The following CRACDL variants were observed in gnomAD, a reference collection of about 807,000 sequenced individuals.
CRACDL encodes CRACD like, also known as CRACD-like protein.
Under a neutral mutation model 70.6 loss-of-function variants are expected in CRACDL, and 26 were observed. The ratio of observed to expected loss-of-function variants is 0.37; its 90% CI spans 0.27 to 0.51. CRACDL has a LOEUF of 0.51. CRACDL is among the 20% of genes least tolerant of loss of function. CRACDL has a pLI of 0.94. For missense variants in CRACDL, 1,283 were observed against 1,376.9 expected (o/e 0.93, Z 1.08); for synonymous variants, 618 against 615.2 (o/e 1.00, Z -0.07).
rs770753823 is a variant in CRACDL at position 98,822,401 on chromosome 2, G to C, written c.1872C>G (p.His624Gln). 4.0e-6 allele frequency: 6 copies of C among 1,482,184 alleles called. No individual in the cohort carries two copies. In the Middle Eastern group the frequency reaches 5.8e-4, roughly 142 times the overall value. 91.8% of individuals were successfully genotyped at this position (1,482,184 alleles called of 1,614,324 possible). A position where few individuals can be genotyped will look rare whatever the true frequency, so the allele number is the denominator to read the frequency against. ...CCAGCTTCCGAGGGCCAGGTTTCGC[G>C]TGCTGGGGCTCGGGGAGACCCTGGA... ...DDLQGLPEPQ[H>Q]AKPGPRKLAE... Residue 624 changes from histidine (H) to glutamine (Q), a missense_variant, in exon 7 of 10, where the codon CAC (histidine) becomes CAG (glutamine). This residue lies in a region of CRACDL where 921 missense variants were observed against 881.9 expected (regional missense o/e 1.04). Coordinates refer to ENST00000397899, the MANE Select transcript of CRACDL (RefSeq NM_207362.3). The surrounding 1 kb of genome is among the most constrained non-coding windows in gnomAD (Gnocchi z 4.9).
intron 1 of CRACDL, among the ~76,000 whole-genome samples, chr2:98,903,246 T>C (rs1230026580): frequency 6.6e-6 from 1 of 152,136 alleles, no homozygotes; most frequent in Non-Finnish European, 1.5e-5. Context: ...GGAGCTCCCT[T>C]TGGGCCTCAG....
At chr2:98,884,727 C>T (rs908940693) in intron 1 of CRACDL, among the ~76,000 whole-genome samples, 2 of 152,194 alleles carry the variant, frequency 1.3e-5, no homozygotes, top group Non-Finnish European at 2.9e-5. Context: ...TATGTGAGAA[C>T]ACAGAGAGAA....
intron 1 of CRACDL, among the ~76,000 whole-genome samples, chr2:98,883,210 G>A (rs1011065869): frequency 8.5e-5 from 13 of 152,190 alleles, no homozygotes; most frequent in African/African-American, 1.7e-4. Context: ...GAGCAGGGGC[G>A]GGGTGCCCTA....
intron 8 of CRACDL, 95 bp downstream of exon 8, chr2:98,797,255 C>T (rs1044997576): frequency 4.7e-5 from 54 of 1,155,154 alleles, no homozygotes; most frequent in Non-Finnish European, 6.6e-5. Context: ...CTGTGACGCC[C>T]ATGCAGCACA....
chr2:98,888,020 C>A lies in CRACDL; in HGVS notation c.-10-41210G>T, dbSNP rs958523263. Reference sequence around the variant, plus strand: ...TGGTGGTTGTACAACACTGTAAATGCACTGTCACTAGATCATTCAGTTTAA... The same window carrying A: ...TGGTGGTTGTACAACACTGTAAATGAACTGTCACTAGATCATTCAGTTTAA... On this transcript the variant is annotated intron_variant, in intron 1 of 9. Coordinates refer to ENST00000397899, the MANE Select transcript of CRACDL (RefSeq NM_207362.3). Among the ~76,000 whole-genome samples, 5 of 152,138 alleles carry A rather than the reference C, an allele frequency of 3.3e-5. No individual in the cohort carries two copies. The East Asian group carries it at 5.8e-4, about 18-fold the overall frequency.
chr2:98,838,111 C>A lies in CRACDL; in HGVS notation c.239+8G>T, dbSNP rs1705872371. On this transcript the variant is annotated splice_region_variant and intron_variant, in intron 3 of 9. Transcript: ENST00000397899. ...CTCCTGGCCCGAGGGATGTAAAATG[C>A]AACTTACTCCAGCTCATCCTCGGAG... 1 of 1,590,416 alleles carries A rather than the reference C, an allele frequency of 6.3e-7. No individual in the cohort carries two copies. The highest frequency in any genetic ancestry group is 2.3e-5 in the East Asian group (1 of 44,142).
At chr2:98,845,042 C>A (rs1435805751) in intron 2 of CRACDL, among the ~76,000 whole-genome samples, 1 of 152,206 alleles carries the variant, frequency 6.6e-6, no homozygotes, top group Admixed American at 6.5e-5. Flanking sequence ...CTACATTATA[C>A]AGGCCTTGTC....
At chr2:98,859,256 A>C (rs776140971) in intron 1 of CRACDL, among the ~76,000 whole-genome samples, 9 of 152,244 alleles carry the variant, frequency 5.9e-5, no homozygotes, top group Admixed American at 1.3e-4. Context: ...AGCTAAATCC[A>C]GTAAGATATA....
At chr2:98,887,351 T>C (rs1004901597) in intron 1 of CRACDL, among the ~76,000 whole-genome samples, 9 of 151,808 alleles carry the variant, frequency 5.9e-5, no homozygotes, top group African/African-American at 2.2e-4. Context: ...TGGCCAAACA[T>C]GTTGTGTGCA....
intron 1 of CRACDL, among the ~76,000 whole-genome samples, chr2:98,883,305 G>A (rs1195589396): frequency 6.6e-6 from 1 of 152,230 alleles, no homozygotes; most frequent in Non-Finnish European, 1.5e-5. Context: ...AGAGCTGGGA[G>A]GATGGAGGTC....
rs145945189 is a variant in CRACDL, at chr2:98,877,746, C to A, written c.-10-30936G>T. ...CCTGGGAAACACAGTGGGACTCTGT[C>A]TCAAAAATAATAAAAAAATTTAAAA... is the stretch of plus-strand genomic sequence containing the variant. On this transcript the variant is annotated intron_variant, in intron 1 of 9. Transcript: ENST00000397899. Among the ~76,000 whole-genome samples the A allele has an allele frequency of 2.8e-3, 420 of 151,964 alleles. 3 individuals carry two copies. The highest frequency in any genetic ancestry group is 9.8e-3 in the African/African-American group (407 of 41,440).
At chr2:98,863,727 G>T (rs1278690581) in intron 1 of CRACDL, among the ~76,000 whole-genome samples, 2 of 152,154 alleles carry the variant, frequency 1.3e-5, no homozygotes, top group Non-Finnish European at 2.9e-5. Context: ...AGTCAGCTGT[G>T]CATTTTCAAC....
chr2:98,807,315 T>C (rs965055620), intron 7 of CRACDL, among the ~76,000 whole-genome samples: 2 of 152,224 alleles, frequency 1.3e-5, no homozygotes, highest in Non-Finnish European at 2.9e-5. Context: ...AACTTATTCA[T>C]TGAGTGGCAA....
intron 1 of CRACDL, among the ~76,000 whole-genome samples, chr2:98,897,983 G>C (rs569293973): frequency 6.6e-6 from 1 of 152,202 alleles, no homozygotes; most frequent in Non-Finnish European, 1.5e-5. Flanking sequence ...CCAAGCTTTC[G>C]CCACCAGTGG....
At chr2:98,819,624 G>A (rs1205021390) in intron 7 of CRACDL, among the ~76,000 whole-genome samples, 1 of 152,108 alleles carries the variant, frequency 6.6e-6, no homozygotes, top group Non-Finnish European at 1.5e-5. Context: ...TGTCACGTTA[G>A]GAATTTAAAG....
chr2:98,798,997 T>A (rs1197826232), intron 7 of CRACDL, among the ~76,000 whole-genome samples: 1 of 152,162 alleles, frequency 6.6e-6, no homozygotes, highest in African/African-American at 2.4e-5. Context: ...AAGTGGCTTC[T>A]TACAGGTACA....
chr2:98,823,146 G>A lies in CRACDL; in HGVS notation c.1127C>T (p.Pro376Leu), dbSNP rs774518111. The A allele has an allele frequency of 1.9e-6, 3 of 1,557,792 alleles. No individual in the cohort carries two copies. Among genetic ancestry groups the A allele is most frequent in the Non-Finnish European group, 2.6e-6 (3 of 1,155,658 alleles). ...GGCCGGGGCACACGGGCCTGCGGGG[G>A]GCGCCTCCCCATCCTGCTTTCCGCC... is the stretch of plus-strand genomic sequence containing the variant. The part of the protein sequence containing the change: ...PDGGKQDGEA[P>L]PAGPCAPATD... The change falls in exon 7 of 10, where the codon CCC (proline) becomes CTC (leucine). Residue 376 changes from proline to leucine, a missense_variant. Around this residue, in one of 2 missense-constraint regions of CRACDL, gnomAD observed 921 missense variants for 881.9 expected, o/e 1.04. Coordinates refer to ENST00000397899, the MANE Select transcript of CRACDL (RefSeq NM_207362.3). The surrounding 1 kb of genome is among the most constrained non-coding windows in gnomAD (Gnocchi z 4.0).
At chr2:98,796,047 C>A (rs1703803787) in intron 9 of CRACDL, 73 bp downstream of exon 9, 1 of 1,518,286 alleles carries the variant, frequency 6.6e-7, no homozygotes, top group East Asian at 2.3e-5. Context: ...CCAAACCAAA[C>A]CAAAACTCAA....
intron 1 of CRACDL, chr2:98,869,081 G>A (rs1295363567): frequency 1.5e-6 from 2 of 1,303,908 alleles, no homozygotes; most frequent in Admixed American, 4.6e-5. Context: ...GGCCCACCTG[G>A]GGTCAGGCCT....
Sources: allele counts gnomAD v4.1 joint callset (sites outside exome capture counted in the v4.1 genomes callset), GRCh38; gene constraint gnomAD v4.1.1; regional missense constraint gnomAD v4.1.1; non-coding constraint Gnocchi (gnomAD v3.1); transcripts MANE v1.5; gene names NCBI Gene and HGNC (gene_info 2026-07-23, HGNC 2026-07-21).